ADAMTS17: variants seen among roughly 807,000 people sequenced by gnomAD.
ADAMTS17 encodes the protein A disintegrin and metalloproteinase with thrombospondin motifs 17.
A neutral mutation model predicts 141.5 loss-of-function variants in ADAMTS17; 113 were observed. The ratio of observed to expected loss-of-function variants is 0.80; its 90% CI spans 0.69 to 0.93. ADAMTS17 has a LOEUF of 0.93. Among genes scored for constraint, ADAMTS17 ranks in the 40% least tolerant of loss-of-function variants. The pLI, the probability that ADAMTS17 is intolerant of heterozygous loss-of-function variation, is 0.00. For missense variants in ADAMTS17, 1,659 were observed against 1,517.9 expected (o/e 1.09, Z -1.54); for synonymous variants, 768 against 630.6 (o/e 1.22, Z -3.27).
chr15:100,294,819 C>T (rs534350285), intron 3 of ADAMTS17, among the ~76,000 whole-genome samples: 3 of 152,264 alleles, frequency 2.0e-5, no homozygotes, highest in Admixed American at 6.5e-5. Context: ...TGTGGCCGTC[C>T]GTGAAAACCA....
At chr15:100,156,540 G>T (rs563729120) in intron 8 of ADAMTS17, among the ~76,000 whole-genome samples, 1 of 152,296 alleles carries the variant, frequency 6.6e-6, no homozygotes, top group East Asian at 1.9e-4. Context: ...TGGAGGGGGG[G>T]CATCCTTACC....
At chr15:100,045,958 G>A (rs1461476561) in intron 18 of ADAMTS17, among the ~76,000 whole-genome samples, 1 of 152,120 alleles carries the variant, frequency 6.6e-6, no homozygotes, top group Non-Finnish European at 1.5e-5. Context: ...TCAGCTCACT[G>A]CAACCTCCAC....
chr15:100,126,268 G>A (rs2037729744), intron 12 of ADAMTS17: 1 of 152,202 alleles, frequency 6.6e-6, no homozygotes, highest in Admixed American at 6.5e-5. Context: ...CACCTGGGCT[G>A]GATCCATGGA....
chr15:100,031,379 A>G (rs527888291), intron 18 of ADAMTS17, among the ~76,000 whole-genome samples: 2 of 152,368 alleles, frequency 1.3e-5, no homozygotes, highest in East Asian at 3.9e-4. Flanking sequence ...TAAAGGAAAG[A>G]TTTAAAATAT....
At chr15:100,176,765 A>G (rs576977802) in intron 8 of ADAMTS17, among the ~76,000 whole-genome samples, 4 of 152,232 alleles carry the variant, frequency 2.6e-5, no homozygotes, top group African/African-American at 9.6e-5. Context: ...TATGACCATA[A>G]CCACCGTCCT....
At chr15:100,296,625 A>G (rs908269337) in intron 3 of ADAMTS17, among the ~76,000 whole-genome samples, 1 of 150,850 alleles carries the variant, frequency 6.6e-6, no homozygotes, top group Admixed American at 6.7e-5. Flanking sequence ...GTGCGCATGC[A>G]CGCGCACGTG....
intron 15 of ADAMTS17, among the ~76,000 whole-genome samples, chr15:100,068,665 A>T (rs2033738379): frequency 1.3e-5 from 2 of 152,308 alleles, no homozygotes; most frequent in Admixed American, 6.5e-5. Context: ...CCTCCAGCAA[A>T]ATCCAACAGA....
intron 10 of ADAMTS17, among the ~76,000 whole-genome samples, chr15:100,135,344 C>G (rs182085041): frequency 6.6e-6 from 1 of 150,752 alleles, no homozygotes; most frequent in African/African-American, 2.4e-5. Flanking sequence ...AGTGCAGTAG[C>G]GTGATCTCGG....
intron 21 of ADAMTS17, among the ~76,000 whole-genome samples, chr15:99,974,942 A>G (rs1056602936): frequency 1.4e-4 from 22 of 152,202 alleles, no homozygotes; most frequent in African/African-American, 5.1e-4. Flanking sequence ...CCCAAAAAGC[A>G]TGAGGTCCAA....
intron 10 of ADAMTS17, among the ~76,000 whole-genome samples, chr15:100,141,881 G>A (rs1567243595): frequency 6.6e-6 from 1 of 152,252 alleles, no homozygotes; most frequent in Admixed American, 6.5e-5. Context: ...AGACAGGCAG[G>A]ACAGCTTTCA....
At chr15:100,167,527 C>T (rs1276645747) in intron 8 of ADAMTS17, among the ~76,000 whole-genome samples, 1 of 152,062 alleles carries the variant, frequency 6.6e-6, no homozygotes. Context: ...TCTTTGCATC[C>T]AAGTGAAGGA....
Position 100,074,172 on chromosome 15 carries a change from G to A in ADAMTS17, c.2138-20118C>T, listed in dbSNP as rs1391159148. On this transcript the variant is annotated intron_variant, in intron 15 of 21. Transcript: ENST00000268070. ...GATCAGACAAGATCAGACACATTTG[G>A]GGCGGTGCGGCCGTAGTCATTTTTC... 3 of 153,026 alleles carry A rather than the reference G, an allele frequency of 2.0e-5. No individual in the cohort carries two copies. The Admixed American group carries it at 2.0e-4, about 10-fold the overall frequency. The allele number at this position is 153,026 out of a possible 1,614,324, so 9.5% of individuals were successfully genotyped here. A position where few individuals can be genotyped will look rare whatever the true frequency, so the allele number is the denominator to read the frequency against.
At chr15:100,290,013 A>G (rs1596458196) in intron 3 of ADAMTS17, among the ~76,000 whole-genome samples, 1 of 152,314 alleles carries the variant, frequency 6.6e-6, no homozygotes, top group African/African-American at 2.4e-5. Flanking sequence ...AGTCCTAGCC[A>G]GAGCATTCAG....
At chr15:100,168,738 A>T (rs1005080418) in intron 8 of ADAMTS17, 1 of 152,254 alleles carries the variant, frequency 6.6e-6, no homozygotes, top group African/African-American at 2.4e-5. Flanking sequence ...AGGTCAAGGC[A>T]AATCTCCCCA....
At chr15:100,221,943 T>C (rs868680275) in intron 7 of ADAMTS17, among the ~76,000 whole-genome samples, 45 of 152,294 alleles carry the variant, frequency 3.0e-4, no homozygotes, top group African/African-American at 9.6e-4. Context: ...TGAGAAGCTG[T>C]GCAGGCATCA....
chr15:100,196,195 G>A (rs2041109071), intron 8 of ADAMTS17, among the ~76,000 whole-genome samples: 2 of 152,202 alleles, frequency 1.3e-5, no homozygotes, highest in African/African-American at 4.8e-5. Context: ...TTGGATTAGA[G>A]CCAGTTTATT....
intron 3 of ADAMTS17, among the ~76,000 whole-genome samples, chr15:100,315,582 T>A (rs2141879632): frequency 6.6e-6 from 1 of 152,154 alleles, no homozygotes; most frequent in South Asian, 2.1e-4. Flanking sequence ...ACACCTATAA[T>A]CCCAGCATTC....
At chr15:100,080,462 G>A (rs990710355) in intron 15 of ADAMTS17, among the ~76,000 whole-genome samples, 1 of 152,138 alleles carries the variant, frequency 6.6e-6, no homozygotes, top group Non-Finnish European at 1.5e-5. Flanking sequence ...CTGTGACTAA[G>A]GTCAATGGGA....
At chr15:100,192,625 G>A (rs1183323876) in intron 8 of ADAMTS17, among the ~76,000 whole-genome samples, 1 of 152,206 alleles carries the variant, frequency 6.6e-6, no homozygotes, top group African/African-American at 2.4e-5. Flanking sequence ...CACCACCCAT[G>A]ACTGTCTGCT....
Sources: gnomAD v4.1 joint callset for allele counts (sites outside exome capture counted in the v4.1 genomes callset) on GRCh38, gnomAD v4.1.1 for gene constraint, MANE v1.5 for transcripts, NCBI Gene and HGNC (gene_info 2026-07-23, HGNC 2026-07-21) for gene names.